The following CEP192 variants were observed in gnomAD, a reference collection of about 807,000 sequenced individuals.
The protein encoded by CEP192 is centrosomal protein 192.
In CEP192, 151 loss-of-function variants were observed where a neutral mutation model predicts 271.8. The ratio of observed to expected loss-of-function variants is 0.56; its 90% CI spans 0.49 to 0.64. CEP192 has a LOEUF of 0.64. CEP192 is among the 30% of genes least tolerant of loss of function. The pLI is 0.00. For synonymous variants in CEP192, 995 were observed against 1,076.5 expected (o/e 0.92, Z 1.48); for missense variants, 2,910 against 3,020.5 (o/e 0.96, Z 0.86).
intron 42 of CEP192, among the ~76,000 whole-genome samples, chr18:13,114,504 T>C (rs2040346681): frequency 6.6e-6 from 1 of 152,240 alleles, no homozygotes; most frequent in Non-Finnish European, 1.5e-5. Flanking sequence ...TATATATTCT[T>C]TGTGTCTGGC....
intron 13 of CEP192, among the ~76,000 whole-genome samples, chr18:13,039,682 G>A (rs1001566601): frequency 2.0e-5 from 3 of 152,140 alleles, no homozygotes; most frequent in African/African-American, 7.2e-5. Flanking sequence ...CTCCTGGTAG[G>A]AGGGGGGTTT....
At chr18:13,038,667 T>C (rs1417970273) in intron 13 of CEP192, 88 bp downstream of exon 13, 1 of 1,001,600 alleles carries the variant, frequency 1.0e-6, no homozygotes, top group South Asian at 1.4e-5. Flanking sequence ...AAAATGGAGA[T>C]AGAATAGGAT....
In CEP192 at chr18:13,056,106, G is replaced by C. The variant is rs149920674; in HGVS notation, c.3516G>C (p.Lys1172Asn). ...LDPIRLALLG[K>N]SGLSCQVGSA... is the part of the protein sequence containing the mutation. The stretch of plus-strand genomic sequence containing the variant: ...CGATCAGGCTGGCTCTCCTGGGCAA[G>C]TCAGGTCTGAGCTGTCAGGTGGGGT... Residue 1172 changes from lysine (K) to asparagine (N), a missense_variant, in exon 19 of 45, where the codon AAG (lysine) becomes AAC (asparagine). Coordinates refer to ENST00000506447, the MANE Select transcript of CEP192 (RefSeq NM_032142.4). The C allele has an allele frequency of 1.9e-6, 3 of 1,613,422 alleles. No individual in the cohort carries two copies. In the East Asian group the frequency reaches 6.7e-5, roughly 36 times the overall value.
At position 13,008,734 on chromosome 18, in the gene CEP192, A is replaced by C. The variant is rs1162874369; in HGVS notation, c.466+103A>C. The C allele has an allele frequency of 3.4e-6, 3 of 892,806 alleles. No individual in the cohort carries two copies. The African/African-American group carries it at 5.5e-5, about 16-fold the overall frequency. 55.3% of individuals were successfully genotyped at this position (892,806 alleles called of 1,614,324 possible). On this transcript the variant is annotated intron_variant, in intron 4 of 44. Coordinates refer to ENST00000506447, the MANE Select transcript of CEP192 (RefSeq NM_032142.4). ...TTTTTTTTTTTTGAGGCAGGGTCGCACTCCTGTCGCCCAGGCTGGAGTGCA... is the reference window on the plus strand; with the variant it reads ...TTTTTTTTTTTTGAGGCAGGGTCGCCCTCCTGTCGCCCAGGCTGGAGTGCA...
rs1179470602 is a variant in CEP192 at position 13,008,508 on chromosome 18, C to T, written c.343C>T (p.Leu115Phe). 6.4e-7 allele frequency: 1 copy of T among 1,551,294 alleles called. No homozygotes were observed. The highest frequency in any genetic ancestry group is 8.7e-7 in the Non-Finnish European group (1 of 1,146,848). ...YVESQRLSNA[L>F]SKQSALQMET... ...GGAAAGTCAACGTTTGTCAAATGCT[C>T]TCAGCAAACAGTCAGCTTTACAAAT... Residue 115 changes from leucine to phenylalanine, a missense_variant, in exon 4 of 45, where the codon CTC becomes TTC. Physicochemically the swap from Leu to Phe is conservative, Grantham distance 22. Transcript: ENST00000506447.
intron 39 of CEP192, chr18:13,103,885 T>TCACCA: frequency 4.2e-6 from 2 of 478,534 alleles, no homozygotes; most frequent in Non-Finnish European, 8.2e-6. Context: ...AGATGGAGCC[T>TCACCA]CACCACACTG....
chr18:13,053,010 G>A lies in CEP192; in HGVS notation c.3109G>A (p.Val1037Met). 6.2e-7 allele frequency: 1 copy of A among 1,614,004 alleles called. No individual in the cohort carries two copies. Among genetic ancestry groups the A allele is most frequent in the Non-Finnish European group, 8.5e-7 (1 of 1,179,916 alleles). The change falls in exon 18 of 45, where the codon GTG becomes ATG. Residue 1037 changes from valine to methionine, a missense_variant. Transcript: ENST00000506447. Reference sequence around the variant, plus strand: ...TCCCTTGGTGTGCTCGCCTGCTGGGGTGAGCAGGCTGACGTATGTGTCTGA... The same window carrying A: ...TCCCTTGGTGTGCTCGCCTGCTGGGATGAGCAGGCTGACGTATGTGTCTGA... ...LSPLVCSPAG[V>M]SRLTYVSEPE...
At chr18:13,085,696 A>G (rs1296446056) in intron 30 of CEP192, among the ~76,000 whole-genome samples, 1 of 152,138 alleles carries the variant, frequency 6.6e-6, no homozygotes, top group African/African-American at 2.4e-5. Context: ...CAAAGATCAG[A>G]TGGTTGTAGA....
chr18:13,042,182 G>T, intron 14 of CEP192, 22 bp from the exon 15 acceptor site: 1 of 1,600,710 alleles, frequency 6.2e-7, no homozygotes, highest in South Asian at 1.1e-5. Context: ...CTTATAAGTT[G>T]AATATTATAT....
rs1173699268 is a variant in CEP192 at position 13,068,222 on chromosome 18, T to C, written c.4743T>C (p.Ala1581=). The C allele has an allele frequency of 1.2e-6, 2 of 1,614,226 alleles. No homozygotes were observed. Among genetic ancestry groups the C allele is most frequent in the Admixed American group, 1.7e-5 (1 of 60,032 alleles). ...GPSVVNHMMP[A]SYDGQDPEFL... Reference sequence around the variant, plus strand: ...CTGTGGTCAACCACATGATGCCTGCTAGTTATGATGGACAGGTGGGAGAGA... The same window carrying C: ...CTGTGGTCAACCACATGATGCCTGCCAGTTATGATGGACAGGTGGGAGAGA... Residue 1581 remains alanine (A), a synonymous_variant, in exon 23 of 45, where the codon GCT becomes GCC. Transcript: ENST00000506447.
In CEP192 at chr18:13,029,795, G is replaced by T; in HGVS notation, c.1183G>T (p.Glu395Ter). 1 of 1,551,666 alleles carries T rather than the reference G, an allele frequency of 6.4e-7. No homozygotes were observed. Among genetic ancestry groups the T allele is most frequent in the East Asian group, 2.4e-5 (1 of 40,914 alleles). ...GACTGACCCTGTAAAACAGGGGGCA[G>T]AGTGTCCTCACCAAAATAAGACAGT... ...DLTDPVKQGA[E>*]CPHQNKTVLH... The change falls in exon 10 of 45, where the codon GAG becomes TAG. Residue 395 changes from glutamate (E) to a stop codon, truncating the protein, a stop_gained. Transcript: ENST00000506447. LOFTEE classifies it high-confidence loss of function.
intron 34 of CEP192, among the ~76,000 whole-genome samples, chr18:13,092,836 C>A (rs2039211727): frequency 6.6e-6 from 1 of 151,968 alleles, no homozygotes; most frequent in African/African-American, 2.4e-5. Context: ...GGCATGATAA[C>A]CAATTAGCCC....
chr18:13,028,772 G>T (rs999672155), intron 9 of CEP192, among the ~76,000 whole-genome samples: 3 of 152,048 alleles, frequency 2.0e-5, no homozygotes, highest in Non-Finnish European at 4.4e-5. Context: ...CGTCCGCCTC[G>T]GCCTCCCAAA....
chr18:13,031,585 A>ATCTT (rs2035636157), intron 11 of CEP192, among the ~76,000 whole-genome samples: 4 of 152,058 alleles, frequency 2.6e-5, no homozygotes, highest in Admixed American at 1.3e-4. Context: ...CCAGAGGAAG[A>ATCTT]AGTTATCCCA....
chr18:13,014,691 G>A (rs927173734), intron 5 of CEP192, among the ~76,000 whole-genome samples: 1 of 152,172 alleles, frequency 6.6e-6, no homozygotes, highest in African/African-American at 2.4e-5. Context: ...GAATAGCTCA[G>A]CACTGTCCTC....
At chr18:13,057,806 A>C (rs1290901895) in intron 20 of CEP192, 73 bp downstream of exon 20, 1 of 1,446,708 alleles carries the variant, frequency 6.9e-7, no homozygotes, top group African/African-American at 1.4e-5. Flanking sequence ...CCCCATCTCT[A>C]GTGCTAGGTT....
chr18:13,109,194 T>G (rs2040093292), intron 40 of CEP192, among the ~76,000 whole-genome samples: 1 of 152,230 alleles, frequency 6.6e-6, no homozygotes, highest in African/African-American at 2.4e-5. Flanking sequence ...TTGGTACATG[T>G]ATATCATGGA....
intron 39 of CEP192, chr18:13,103,909 C>T (rs890326112): frequency 1.5e-5 from 7 of 463,554 alleles, no homozygotes; most frequent in East Asian, 6.6e-5. Context: ...AGGCTGGTCT[C>T]GATCTCCTGA....
At chr18:13,034,326 A>G (rs2035794438) in intron 11 of CEP192, among the ~76,000 whole-genome samples, 1 of 152,234 alleles carries the variant, frequency 6.6e-6, no homozygotes, top group African/African-American at 2.4e-5. Flanking sequence ...CCAGGGAAAT[A>G]GGGGTGGAGG....
Sources: gnomAD v4.1 joint callset for allele counts (sites outside exome capture counted in the v4.1 genomes callset) on GRCh38, gnomAD v4.1.1 for gene constraint, MANE v1.5 for transcripts, NCBI Gene and HGNC (gene_info 2026-07-23, HGNC 2026-07-21) for gene names.